Variants in PTPRD observed in about 807,000 individuals in gnomAD.
PTPRD encodes receptor-type tyrosine-protein phosphatase delta.
A neutral mutation model predicts 214.5 loss-of-function variants in PTPRD; 34 were observed. The ratio of observed to expected loss-of-function variants is 0.16; its 90% CI spans 0.12 to 0.21. The LOEUF (loss-of-function observed/expected upper bound fraction) is 0.21. PTPRD is among the 10% of genes least tolerant of loss of function. PTPRD has a pLI of 1.00. For synonymous variants in PTPRD, 1,128 were observed against 845.7 expected (o/e 1.33, Z -5.79); for missense variants, 2,545 against 2,398.7 (o/e 1.06, Z -1.27).
intron 11 of PTPRD, among the ~76,000 whole-genome samples, chr9:8,974,189 T>C (rs530574302): frequency 6.6e-6 from 1 of 152,244 alleles, no homozygotes; most frequent in South Asian, 2.1e-4. Context: ...AGGTCTTACA[T>C]TTAAATCTTT....
At chr9:9,483,405 G>A (rs539064270) in intron 8 of PTPRD, among the ~76,000 whole-genome samples, 2 of 152,204 alleles carry the variant, frequency 1.3e-5, no homozygotes, top group African/African-American at 4.8e-5. Context: ...TGTAAACAAG[G>A]GAGTCAATGG....
chr9:9,258,694 C>G (rs529381781), intron 9 of PTPRD, among the ~76,000 whole-genome samples: 2 of 151,932 alleles, frequency 1.3e-5, no homozygotes, highest in South Asian at 4.1e-4. Context: ...GGAATAACAA[C>G]AAAACCTACT....
chr9:9,407,104 C>A (rs2073751042), intron 8 of PTPRD, among the ~76,000 whole-genome samples: 1 of 151,688 alleles, frequency 6.6e-6, no homozygotes, highest in African/African-American at 2.4e-5. Flanking sequence ...TTACCACCAC[C>A]ATTTAAGTTC....
At chr9:9,967,117 G>A (rs2094759626) in intron 4 of PTPRD, among the ~76,000 whole-genome samples, 1 of 152,128 alleles carries the variant, frequency 6.6e-6, no homozygotes. Flanking sequence ...GTCAAGTTCT[G>A]TAGTCAGTCT....
intron 32 of PTPRD, among the ~76,000 whole-genome samples, chr9:8,463,883 A>G (rs1229971653): frequency 3.3e-5 from 5 of 151,938 alleles, no homozygotes; most frequent in Non-Finnish European, 5.9e-5. Flanking sequence ...TATTACTGCA[A>G]AATGACTCTA....
chr9:9,728,019 A>G (rs1225640823), intron 7 of PTPRD, among the ~76,000 whole-genome samples: 1 of 152,160 alleles, frequency 6.6e-6, no homozygotes, highest in African/African-American at 2.4e-5. Flanking sequence ...TCATGGGGGC[A>G]GTTTCCCCCA....
chr9:9,004,139 G>C (rs1191484109), intron 11 of PTPRD, among the ~76,000 whole-genome samples: 3 of 151,952 alleles, frequency 2.0e-5, no homozygotes, highest in African/African-American at 2.4e-5. Flanking sequence ...AAGGTAAACA[G>C]CTTTTGTCAA....
intron 8 of PTPRD, among the ~76,000 whole-genome samples, chr9:9,482,252 G>GA (rs1413638386): frequency 1.3e-5 from 2 of 151,980 alleles, no homozygotes; most frequent in East Asian, 1.9e-4. Flanking sequence ...AGATATTTGA[G>GA]AAAAAAGTAA....
At chr9:10,456,502 T>C (rs1186072812) in intron 2 of PTPRD, among the ~76,000 whole-genome samples, 1 of 151,950 alleles carries the variant, frequency 6.6e-6, no homozygotes, top group Non-Finnish European at 1.5e-5. Context: ...GGACTATAGT[T>C]TAAGAAAATC....
intron 9 of PTPRD, among the ~76,000 whole-genome samples, chr9:9,220,847 T>C (rs150472611): frequency 2.8e-4 from 42 of 152,274 alleles, no homozygotes; most frequent in East Asian, 1.9e-4. Context: ...TGCAATATAA[T>C]AGATCCCTCC....
chr9:8,571,848 G>T (rs1302046417), intron 14 of PTPRD, among the ~76,000 whole-genome samples: 1 of 152,014 alleles, frequency 6.6e-6, no homozygotes, highest in Non-Finnish European at 1.5e-5. Context: ...GTTCTGATAA[G>T]AGTCCATCAA....
At chr9:8,626,117 C>G (rs2154307124) in intron 14 of PTPRD, among the ~76,000 whole-genome samples, 1 of 151,954 alleles carries the variant, frequency 6.6e-6, no homozygotes, top group South Asian at 2.1e-4. Flanking sequence ...TTTAAAACTA[C>G]ATCTTAATTA....
chr9:10,068,354 G>A (rs181819916), intron 3 of PTPRD, among the ~76,000 whole-genome samples: 13 of 151,946 alleles, frequency 8.6e-5, no homozygotes, highest in African/African-American at 2.4e-4. Flanking sequence ...TTCAAGGTGA[G>A]TATCATATAA....
chr9:10,014,261 A>G (rs567212173), intron 4 of PTPRD, among the ~76,000 whole-genome samples: 1 of 152,120 alleles, frequency 6.6e-6, no homozygotes, highest in Non-Finnish European at 1.5e-5. Flanking sequence ...GGAAACTAAG[A>G]CTCAGTGAGG....
chr9:9,780,118 G>A (rs924674927), intron 5 of PTPRD, among the ~76,000 whole-genome samples: 3 of 152,196 alleles, frequency 2.0e-5, no homozygotes, highest in Non-Finnish European at 4.4e-5. Context: ...GAGCAGTATG[G>A]ATGGAGCTGG....
chr9:10,476,748 G>A (rs1456413282), intron 2 of PTPRD, among the ~76,000 whole-genome samples: 3 of 152,026 alleles, frequency 2.0e-5, no homozygotes, highest in Non-Finnish European at 4.4e-5. Context: ...ACATTACAAG[G>A]CAACAGTAAC....
At chr9:9,056,245 A>G (rs1299566009) in intron 10 of PTPRD, among the ~76,000 whole-genome samples, 1 of 152,230 alleles carries the variant, frequency 6.6e-6, no homozygotes, top group Admixed American at 6.5e-5. Context: ...GTGAGAAAAG[A>G]TGAACATCTA....
chr9:8,829,788 T>C (rs1267822207), intron 11 of PTPRD, among the ~76,000 whole-genome samples: 1 of 152,204 alleles, frequency 6.6e-6, no homozygotes, highest in Non-Finnish European at 1.5e-5. Context: ...CTACCACTAA[T>C]AACCATAATC....
At chr9:10,065,013 G>C (rs950320934) in intron 3 of PTPRD, among the ~76,000 whole-genome samples, 3 of 151,704 alleles carry the variant, frequency 2.0e-5, no homozygotes, top group African/African-American at 7.3e-5. Context: ...TAAGAACCAG[G>C]GAAATCGAAC....
Sources: gnomAD v4.1 joint callset for allele counts (sites outside exome capture counted in the v4.1 genomes callset) on GRCh38, gnomAD v4.1.1 for gene constraint, MANE v1.5 for transcripts, NCBI Gene and HGNC (gene_info 2026-07-23, HGNC 2026-07-21) for gene names.